The following CPM variants were observed in gnomAD, a reference collection of about 807,000 sequenced individuals.
The protein encoded by CPM is renal carboxypeptidase.
CPM carries 35 observed loss-of-function variants against 46.4 expected under a neutral mutation model. The observed-to-expected ratio is 0.75, with a 90% confidence interval of 0.58 to 1.00. CPM has a LOEUF of 1.00. Ranked by LOEUF, CPM falls within the 50% of genes least tolerant of loss-of-function variation. The probability of loss-of-function intolerance (pLI) is 0.00; values close to 1 mark genes in which losing one functional copy is unlikely to be tolerated. For synonymous variants in CPM, 195 were observed against 195.3 expected (o/e 1.00, Z 0.01); for missense variants, 422 against 530.4 (o/e 0.80, Z 2.01).
rs144426128 is a variant in CPM, at chr12:68,922,182, T to A, written c.160+10496A>T. Among the ~76,000 whole-genome samples, 315 of 152,346 alleles carry A rather than the reference T, an allele frequency of 2.1e-3. 3 individuals carry two copies. The highest frequency in any genetic ancestry group is 6.9e-3 in the African/African-American group (287 of 41,578). ...AGCAACATTTTGAACTAAGTTTCAATTAACGTAATGAATGATCAAATGGTC... is the reference window on the plus strand; with the variant it reads ...AGCAACATTTTGAACTAAGTTTCAAATAACGTAATGAATGATCAAATGGTC... On this transcript the variant is annotated intron_variant, in intron 2 of 8. Coordinates refer to ENST00000551568, the MANE Select transcript of CPM (RefSeq NM_198320.5).
At chr12:68,885,428 C>A (rs1886385428) in intron 3 of CPM, among the ~76,000 whole-genome samples, 1 of 152,180 alleles carries the variant, frequency 6.6e-6, no homozygotes, top group African/African-American at 2.4e-5. Flanking sequence ...AATACAGCTC[C>A]TTTGCTGGGT....
chr12:68,880,477 A>G (rs1331818177), intron 3 of CPM, among the ~76,000 whole-genome samples: 1 of 152,238 alleles, frequency 6.6e-6, no homozygotes, highest in Non-Finnish European at 1.5e-5. Flanking sequence ...TTTACATAAC[A>G]GCAAGCCCAA....
chr12:68,923,087 A>C (rs1422975571), intron 2 of CPM, among the ~76,000 whole-genome samples: 1 of 151,690 alleles, frequency 6.6e-6, no homozygotes, highest in African/African-American at 2.4e-5. Context: ...GCCTAGCTCC[A>C]AACAGGAAGA....
chr12:68,894,781 T>A (rs973199892), intron 2 of CPM, among the ~76,000 whole-genome samples: 1 of 152,136 alleles, frequency 6.6e-6, no homozygotes, highest in Non-Finnish European at 1.5e-5. Context: ...ATGCCTGTAA[T>A]CCCAGCACTT....
At chr12:68,869,848 A>G (rs1885610840) in intron 5 of CPM, among the ~76,000 whole-genome samples, 1 of 151,396 alleles carries the variant, frequency 6.6e-6, no homozygotes, top group Admixed American at 6.6e-5. Flanking sequence ...AGTTTTAAGA[A>G]GAGTCAACAA....
chr12:68,916,683 G>A (rs1294513622), intron 2 of CPM, among the ~76,000 whole-genome samples: 2 of 152,108 alleles, frequency 1.3e-5, no homozygotes, highest in Admixed American at 1.3e-4. Flanking sequence ...AAGGTCAGGA[G>A]TTCGAGACCA....
At chr12:68,881,058 A>G (rs974169788) in intron 3 of CPM, among the ~76,000 whole-genome samples, 1 of 152,220 alleles carries the variant, frequency 6.6e-6, no homozygotes, top group Non-Finnish European at 1.5e-5. Flanking sequence ...TACTTGGCTG[A>G]AAATGGGCCA....
chr12:68,953,914 G>A (rs752542256), intron 1 of CPM, among the ~76,000 whole-genome samples: 4 of 152,238 alleles, frequency 2.6e-5, no homozygotes, highest in Non-Finnish European at 2.9e-5. Context: ...CACAGAAGTC[G>A]TTGCTGTGTG....
intron 2 of CPM, among the ~76,000 whole-genome samples, chr12:68,901,892 G>A (rs1157629578): frequency 2.0e-5 from 3 of 152,126 alleles, no homozygotes; most frequent in African/African-American, 7.2e-5. Flanking sequence ...GAGAAGGGGA[G>A]AGGGGAGGGG....
intron 3 of CPM, among the ~76,000 whole-genome samples, chr12:68,877,722 A>T (rs1270415466): frequency 1.3e-5 from 2 of 152,212 alleles, no homozygotes; most frequent in African/African-American, 4.8e-5. Flanking sequence ...AGTGGTAGGA[A>T]AAGGAGCTTG....
intron 2 of CPM, among the ~76,000 whole-genome samples, chr12:68,888,045 C>T (rs1298110578): frequency 3.3e-5 from 5 of 152,204 alleles, no homozygotes; most frequent in Non-Finnish European, 7.3e-5. Context: ...AAACAAGGAA[C>T]TTTTCATGAG....
intron 1 of CPM, among the ~76,000 whole-genome samples, chr12:68,940,991 T>A (rs1225024123): frequency 6.6e-6 from 1 of 152,106 alleles, no homozygotes; most frequent in Non-Finnish European, 1.5e-5. Flanking sequence ...ACAACCCACC[T>A]TTTCTCTCTC....
At chr12:68,960,825 G>A (rs903665305) in intron 1 of CPM, among the ~76,000 whole-genome samples, 21 of 152,318 alleles carry the variant, frequency 1.4e-4, no homozygotes, top group Admixed American at 1.0e-3. Context: ...CCTTTGCTAT[G>A]ACTTGTTCAG....
Position 68,856,371 on chromosome 12 carries a change from G to T in CPM, c.*66C>A. The T allele has an allele frequency of 6.5e-7, 1 of 1,541,852 alleles. No individual in the cohort carries two copies. Among genetic ancestry groups the T allele is most frequent in the South Asian group, 1.2e-5 (1 of 80,766 alleles). The stretch of plus-strand genomic sequence containing the variant: ...GGTCCCACTAGAGTGAGTTAGGGTT[G>T]CAGTAACCTGGAGTGAGCAATCCCT... On this transcript the variant is annotated 3_prime_UTR_variant, in exon 9 of 9. Transcript: ENST00000551568.
At chr12:68,901,943 C>T (rs933854659) in intron 2 of CPM, among the ~76,000 whole-genome samples, 1 of 152,088 alleles carries the variant, frequency 6.6e-6, no homozygotes, top group African/African-American at 2.4e-5. Flanking sequence ...GAAAGAGGCA[C>T]CTCTGTGTCA....
chr12:68,904,923 G>A (rs7968205), intron 2 of CPM, among the ~76,000 whole-genome samples: 3,699 of 152,144 alleles, frequency 0.024, 124 homozygotes, highest in African/African-American at 0.082. Context: ...TGGTTTTTTT[G>A]GGGGGATGGA....
intron 4 of CPM, chr12:68,871,574 G>A (rs1331617746): frequency 1.8e-6 from 1 of 570,260 alleles, no homozygotes; most frequent in Non-Finnish European, 3.1e-6. Context: ...GAGGCTAGGT[G>A]GGCACCGGGG....
chr12:68,872,038 T>C (rs1367671926), intron 3 of CPM, 82 bp from the exon 4 acceptor site: 89 of 1,395,320 alleles, frequency 6.4e-5, no homozygotes, highest in South Asian at 4.3e-4. Context: ...AATTCCCCAA[T>C]AGGGGTCTCT....
At chr12:68,947,876 A>G (rs1324265699) in intron 1 of CPM, among the ~76,000 whole-genome samples, 1 of 152,002 alleles carries the variant, frequency 6.6e-6, no homozygotes, top group Non-Finnish European at 1.5e-5. Flanking sequence ...TAGAAATTAG[A>G]TTTTTATAAA....
Sources: allele counts gnomAD v4.1 joint callset (sites outside exome capture counted in the v4.1 genomes callset), GRCh38; gene constraint gnomAD v4.1.1; transcripts MANE v1.5; gene names NCBI Gene and HGNC (gene_info 2026-07-23, HGNC 2026-07-21).